The following MED27 variants were observed in gnomAD, a reference collection of about 807,000 sequenced individuals.
MED27 encodes the protein mediator of RNA polymerase II transcription subunit 27.
MED27 carries 30 observed loss-of-function variants against 38.2 expected under a neutral mutation model. The ratio of observed to expected loss-of-function variants is 0.79; its 90% CI spans 0.59 to 1.07. The LOEUF is 1.07. Ranked by LOEUF, MED27 falls within the 50% of genes least tolerant of loss-of-function variation. The probability of loss-of-function intolerance (pLI) is 0.00; values close to 1 mark genes in which losing one functional copy is unlikely to be tolerated. For missense variants in MED27, 289 were observed against 397.5 expected, an observed-to-expected ratio of 0.73 and a Z score of 2.32; for synonymous variants, 122 against 153.5, an observed-to-expected ratio of 0.79 and a Z score of 1.52.
At chr9:131,992,551 C>T (rs1489463509) in intron 3 of MED27, among the ~76,000 whole-genome samples, 1 of 152,064 alleles carries the variant, frequency 6.6e-6, no homozygotes, top group East Asian at 1.9e-4. Flanking sequence ...GCACGTGCCA[C>T]CACACCCTGC....
At chr9:131,968,873 A>T (rs1589240430) in intron 3 of MED27, among the ~76,000 whole-genome samples, 1 of 152,286 alleles carries the variant, frequency 6.6e-6, no homozygotes, top group South Asian at 2.1e-4. Context: ...ACCTCCTGTC[A>T]GCTCAGCAGC....
intron 4 of MED27, among the ~76,000 whole-genome samples, chr9:131,898,746 G>A (rs1209305097): frequency 5.3e-5 from 8 of 151,700 alleles, no homozygotes; most frequent in African/African-American, 1.5e-4. Flanking sequence ...CACCACGCCC[G>A]GCTAATTTTC....
chr9:131,957,026 G>A (rs992981372), intron 3 of MED27, among the ~76,000 whole-genome samples: 4 of 152,140 alleles, frequency 2.6e-5, no homozygotes, highest in African/African-American at 4.8e-5. Flanking sequence ...ACAAGAACTG[G>A]CAATATGAAA....
chr9:132,008,777 G>A (rs1409608818), intron 3 of MED27, among the ~76,000 whole-genome samples: 1 of 152,182 alleles, frequency 6.6e-6, no homozygotes, highest in Non-Finnish European at 1.5e-5. Context: ...CACAAGCCAC[G>A]CAGAAACCTA....
At chr9:132,078,594 G>T (rs549636279) in intron 1 of MED27, among the ~76,000 whole-genome samples, 67 of 152,100 alleles carry the variant, frequency 4.4e-4, no homozygotes, top group Non-Finnish European at 7.7e-4. Context: ...AAACAAAAAG[G>T]CACCCATCAT....
At chr9:131,947,163 A>G (rs1830902702) in intron 3 of MED27, among the ~76,000 whole-genome samples, 1 of 152,146 alleles carries the variant, frequency 6.6e-6, no homozygotes, top group African/African-American at 2.4e-5. Flanking sequence ...AGGCCATTAT[A>G]AAACAACTAC....
At chr9:131,993,826 G>A (rs573691398) in intron 3 of MED27, among the ~76,000 whole-genome samples, 5 of 152,276 alleles carry the variant, frequency 3.3e-5, no homozygotes, top group South Asian at 4.1e-4. Context: ...GGTCTTCTCC[G>A]TACACTCTGA....
At chr9:131,893,171 C>T (rs1035259025) in intron 5 of MED27, among the ~76,000 whole-genome samples, 1 of 152,126 alleles carries the variant, frequency 6.6e-6, no homozygotes, top group Non-Finnish European at 1.5e-5. Context: ...AGGAAAGGCT[C>T]CCGATGGGGT....
intron 4 of MED27, among the ~76,000 whole-genome samples, chr9:131,907,287 T>C (rs1830083391): frequency 6.6e-6 from 1 of 152,048 alleles, no homozygotes; most frequent in Non-Finnish European, 1.5e-5. Flanking sequence ...TGGACTGTAC[T>C]GCTGCCATCT....
At chr9:132,007,429 T>A (rs916650940) in intron 3 of MED27, among the ~76,000 whole-genome samples, 13 of 151,980 alleles carry the variant, frequency 8.6e-5, no homozygotes, top group African/African-American at 3.1e-4. Context: ...ACATGTTGAG[T>A]AGAAGAAATC....
chr9:131,908,558 T>C (rs1455086437), intron 4 of MED27, among the ~76,000 whole-genome samples: 1 of 152,222 alleles, frequency 6.6e-6, no homozygotes, highest in Non-Finnish European at 1.5e-5. Flanking sequence ...CTTGGGATCC[T>C]GTTGATCTGT....
At chr9:132,025,991 G>A (rs1186500996) in intron 2 of MED27, among the ~76,000 whole-genome samples, 1 of 152,162 alleles carries the variant, frequency 6.6e-6, no homozygotes, top group Non-Finnish European at 1.5e-5. Flanking sequence ...TTGGGGAAGG[G>A]GAATGCACAG....
intron 4 of MED27, among the ~76,000 whole-genome samples, chr9:131,905,338 G>A (rs944948405): frequency 1.3e-5 from 2 of 152,194 alleles, no homozygotes; most frequent in Non-Finnish European, 2.9e-5. Context: ...GACAGCACAC[G>A]TCCTTTATCT....
intron 4 of MED27, among the ~76,000 whole-genome samples, chr9:131,932,246 G>A (rs1237422629): frequency 2.0e-5 from 3 of 151,640 alleles, no homozygotes; most frequent in Admixed American, 6.6e-5. Flanking sequence ...ACAAACACAC[G>A]GAAATTAAAC....
intron 2 of MED27, among the ~76,000 whole-genome samples, chr9:132,072,658 G>A (rs995645040): frequency 6.6e-6 from 1 of 152,070 alleles, no homozygotes; most frequent in Non-Finnish European, 1.5e-5. Flanking sequence ...TTCATTTTGA[G>A]TGATGGGGTG....
chr9:131,982,505 G>A lies in MED27; in HGVS notation c.479+31832C>T, dbSNP rs1331434848. On this transcript the variant is annotated intron_variant, in intron 3 of 7. Coordinates refer to ENST00000292035, the MANE Select transcript of MED27 (RefSeq NM_004269.4). The surrounding 1 kb of genome is among the most constrained non-coding windows in gnomAD (Gnocchi z 4.3). Reference sequence around the variant, plus strand: ...TTGTAAGTAGCCAAGTTTTGTCATGGTTTGCTATGAGGCAGACGATAAATG... The same window carrying A: ...TTGTAAGTAGCCAAGTTTTGTCATGATTTGCTATGAGGCAGACGATAAATG... Among the ~76,000 whole-genome samples the A allele has an allele frequency of 1.3e-5, 2 of 152,182 alleles. No individual in the cohort carries two copies. The highest frequency in any genetic ancestry group is 4.8e-5 in the African/African-American group (2 of 41,436).
intron 3 of MED27, among the ~76,000 whole-genome samples, chr9:131,998,602 C>A (rs1338378470): frequency 6.6e-6 from 1 of 152,166 alleles, no homozygotes; most frequent in Non-Finnish European, 1.5e-5. Context: ...CGTCTAAATG[C>A]CTACTCAATA....
chr9:131,978,268 T>C (rs1831652436), intron 3 of MED27, among the ~76,000 whole-genome samples: 1 of 152,040 alleles, frequency 6.6e-6, no homozygotes, highest in Non-Finnish European at 1.5e-5. Context: ...AAAAGGGAGA[T>C]GTGGAAGGAA....
At chr9:131,942,886 T>C (rs1360195155) in intron 3 of MED27, among the ~76,000 whole-genome samples, 1 of 152,194 alleles carries the variant, frequency 6.6e-6, no homozygotes, top group Non-Finnish European at 1.5e-5. Context: ...CTGGCCATTT[T>C]TGATTCCTTT....
Sources: gnomAD v4.1 joint callset for allele counts (sites outside exome capture counted in the v4.1 genomes callset) on GRCh38, gnomAD v4.1.1 for gene constraint, Gnocchi (gnomAD v3.1) non-coding constraint, MANE v1.5 for transcripts, NCBI Gene and HGNC (gene_info 2026-07-23, HGNC 2026-07-21) for gene names.